BBS7: variants seen among roughly 807,000 people sequenced by gnomAD.
BBS7 encodes Bardet-Biedl syndrome 7.
In BBS7, 50 loss-of-function variants were observed where a neutral mutation model predicts 90.3. That is an observed-to-expected ratio of 0.55 (90% CI 0.44 to 0.70). The LOEUF is 0.70. BBS7 is among the 30% of genes least tolerant of loss of function. The pLI is 0.00. For synonymous variants in BBS7, 235 were observed against 287.4 expected (o/e 0.82, Z 1.85); for missense variants, 729 against 838.9 (o/e 0.87, Z 1.62).
intron 9 of BBS7, among the ~76,000 whole-genome samples, chr4:121,847,812 C>T (rs1035907429): frequency 1.3e-5 from 2 of 151,938 alleles, no homozygotes; most frequent in Non-Finnish European, 2.9e-5. Context: ...CATAGTCTAG[C>T]AATTTCAAAA....
intron 13 of BBS7, among the ~76,000 whole-genome samples, chr4:121,838,451 A>G (rs1236734079): frequency 6.6e-6 from 1 of 152,022 alleles, no homozygotes; most frequent in Non-Finnish European, 1.5e-5. Flanking sequence ...TAATAGGTCT[A>G]TCAAAACTAA....
At chr4:121,865,523 G>A (rs1727219968) in intron 2 of BBS7, among the ~76,000 whole-genome samples, 1 of 152,222 alleles carries the variant, frequency 6.6e-6, no homozygotes, top group Admixed American at 6.5e-5. Context: ...ACAGGCGTGA[G>A]TCACCATGCC....
chr4:121,840,226 C>G (rs1725669452), intron 12 of BBS7, among the ~76,000 whole-genome samples: 1 of 152,294 alleles, frequency 6.6e-6, no homozygotes, highest in East Asian at 1.9e-4. Flanking sequence ...AAACCCCTTT[C>G]TCTTGGCTCT....
At chr4:121,859,415 A>C (rs1425860221) in intron 4 of BBS7, among the ~76,000 whole-genome samples, 1 of 152,184 alleles carries the variant, frequency 6.6e-6, no homozygotes, top group African/African-American at 2.4e-5. Flanking sequence ...AACTGAGCTC[A>C]GAAAAATGGA....
intron 5 of BBS7, 117 bp from the exon 6 acceptor site, chr4:121,855,678 C>T: frequency 2.0e-6 from 2 of 983,746 alleles, no homozygotes; most frequent in Non-Finnish European, 3.1e-6. Context: ...AATAAAATTG[C>T]TTTAAAAATT....
At chr4:121,846,842 T>C (rs2149070209) in intron 10 of BBS7, among the ~76,000 whole-genome samples, 1 of 152,340 alleles carries the variant, frequency 6.6e-6, no homozygotes, top group South Asian at 2.1e-4. Flanking sequence ...AGAGCAGTCA[T>C]TAAAAGTTTC....
intron 8 of BBS7, among the ~76,000 whole-genome samples, chr4:121,850,248 T>C (rs1163624681): frequency 1.3e-5 from 2 of 152,016 alleles, no homozygotes; most frequent in African/African-American, 4.8e-5. Context: ...CACTGCAGCC[T>C]GGACCTCACA....
At chr4:121,853,408 C>T (rs1726428570) in intron 7 of BBS7, among the ~76,000 whole-genome samples, 7 of 152,014 alleles carry the variant, frequency 4.6e-5, no homozygotes, top group Admixed American at 4.6e-4. Context: ...TCTTTATTCC[C>T]CTCTTTACCA....
At chr4:121,837,869 C>T (rs1197694526) in intron 13 of BBS7, among the ~76,000 whole-genome samples, 1 of 152,034 alleles carries the variant, frequency 6.6e-6, no homozygotes, top group African/African-American at 2.4e-5. Context: ...CTTTGGGAGG[C>T]CAAGGCAGGT....
In BBS7 at chr4:121,861,675, A is replaced by G. The variant is rs752384289; in HGVS notation, c.170T>C (p.Val57Ala). 4.3e-6 allele frequency: 7 copies of G among 1,613,566 alleles called. No individual in the cohort carries two copies. The highest frequency in any genetic ancestry group is 5.1e-6 in the Non-Finnish European group (6 of 1,179,692). The stretch of plus-strand genomic sequence containing the variant: ...CTTCGGCCCGGGTAAAGTCTTGAAC[A>G]CTGCCTGAAAAAAATCATTCAGGAA... ...FGMKKGEAAA[V>A]FKTLPGPKIA... The change falls in exon 4 of 19, where the codon GTG (valine) becomes GCG (alanine). Residue 57 changes from valine (V) to alanine (A), a missense_variant. Coordinates refer to ENST00000264499, the MANE Select transcript of BBS7 (RefSeq NM_176824.3).
chr4:121,850,873 C>T (rs1358122111), intron 8 of BBS7, among the ~76,000 whole-genome samples: 1 of 152,114 alleles, frequency 6.6e-6, no homozygotes, highest in Non-Finnish European at 1.5e-5. Flanking sequence ...GATAGTTGTT[C>T]CTGAGGCTAA....
At chr4:121,866,982 G>T (rs925838539) in intron 2 of BBS7, among the ~76,000 whole-genome samples, 1 of 151,974 alleles carries the variant, frequency 6.6e-6, no homozygotes, top group Non-Finnish European at 1.5e-5. Context: ...TTGGTATTTC[G>T]ATAGAGATTG....
rs1160785388 is a variant in BBS7, at chr4:121,824,892, CAT to C, written c.*966_*967del. Reference sequence around the variant, plus strand: ...ATTCGTGAGTCTGCCCTTCTTGAAACATAAAGCTTATTTTCCATTATCTGTAT... The same window carrying C: ...ATTCGTGAGTCTGCCCTTCTTGAAACAAAGCTTATTTTCCATTATCTGTAT... On this transcript the variant is annotated 3_prime_UTR_variant, in exon 19 of 19. Coordinates refer to ENST00000264499, the MANE Select transcript of BBS7 (RefSeq NM_176824.3). The surrounding 1 kb of genome is among the most constrained non-coding windows in gnomAD (Gnocchi z 4.1). The C allele has an allele frequency of 6.6e-6, 1 of 152,038 alleles. No individual in the cohort carries two copies. Among genetic ancestry groups the C allele is most frequent in the Non-Finnish European group, 1.5e-5 (1 of 68,004 alleles). 9.4% of individuals were successfully genotyped at this position (152,038 alleles called of 1,614,324 possible). A position where few individuals can be genotyped will look rare whatever the true frequency, so the allele number is the denominator to read the frequency against.
rs1322004930 is a variant in BBS7 at position 121,825,984 on chromosome 4, G to T, written c.2024C>A (p.Thr675Asn). 6.3e-7 allele frequency: 1 copy of T among 1,598,352 alleles called. No individual in the cohort carries two copies. The change falls in exon 19 of 19, where the codon ACT becomes AAT. Residue 675 changes from threonine to asparagine, a missense_variant. Physicochemically the swap from Thr to Asn is moderately conservative, Grantham distance 65. Coordinates refer to ENST00000264499, the MANE Select transcript of BBS7 (RefSeq NM_176824.3). ...AHLERLYGMI[T>N]DLFIDKFKFK... The stretch of plus-strand genomic sequence containing the variant: ...CTTAAATTTATCTATGAAAAGATCA[G>T]TGATCATGCCTTTAAAGAAAAAACA...
At chr4:121,845,387 TAAAAA>T (rs945421726) in intron 11 of BBS7, 112 bp downstream of exon 11, 8 of 591,862 alleles carry the variant, frequency 1.4e-5, no homozygotes, top group African/African-American at 1.2e-4. Flanking sequence ...AAAATAAAAA[TAAAAA>T]TAAAATAAAA....
intron 2 of BBS7, among the ~76,000 whole-genome samples, 162 bp downstream of exon 2, chr4:121,867,819 A>G (rs1727369594): frequency 6.6e-6 from 1 of 152,216 alleles, no homozygotes; most frequent in Admixed American, 6.5e-5. Flanking sequence ...ATTATTGTCT[A>G]TAAATGTCCC....
Position 121,859,169 on chromosome 4 carries a change from A to G in BBS7, c.351T>C (p.Ser117=). ...LTESIKAMHI[S]GSDLFLSASY... ...TTGCACTGAGAAAGAGGTCTGAGCC[A>G]GATATGTGCCTGAGAACATTAAAAT... The change falls in exon 5 of 19, where the codon TCT becomes TCC. Residue 117 remains serine (S), a synonymous_variant. Coordinates refer to ENST00000264499, the MANE Select transcript of BBS7 (RefSeq NM_176824.3). 6.2e-7 allele frequency: 1 copy of G among 1,613,720 alleles called. No homozygotes were observed. Among genetic ancestry groups the G allele is most frequent in the South Asian group, 1.1e-5 (1 of 91,072 alleles).
intron 2 of BBS7, among the ~76,000 whole-genome samples, chr4:121,865,141 T>C (rs1727187188): frequency 6.6e-6 from 1 of 152,192 alleles, no homozygotes; most frequent in South Asian, 2.1e-4. Flanking sequence ...AATGAGAACA[T>C]GTGGTGTTCA....
chr4:121,843,548 G>C (rs1560650098), intron 12 of BBS7, among the ~76,000 whole-genome samples: 1 of 152,130 alleles, frequency 6.6e-6, no homozygotes, highest in Non-Finnish European at 1.5e-5. Context: ...AACTTTTTGA[G>C]TGCCAAGATA....
Sources: allele counts gnomAD v4.1 joint callset (sites outside exome capture counted in the v4.1 genomes callset), GRCh38; gene constraint gnomAD v4.1.1; non-coding constraint Gnocchi (gnomAD v3.1); transcripts MANE v1.5; gene names NCBI Gene and HGNC (gene_info 2026-07-23, HGNC 2026-07-21).